Variants in TNFRSF13C observed in about 807,000 individuals in gnomAD.
TNFRSF13C encodes the protein TNF receptor superfamily member 13C, also known as tumor necrosis factor receptor superfamily member 13C.
In TNFRSF13C, 7 loss-of-function variants were observed where a neutral mutation model predicts 12.1. The observed-to-expected ratio is 0.58, with a 90% CI of 0.33 to 1.08. The LOEUF is 1.08. Among genes scored for constraint, TNFRSF13C ranks in the 50% least tolerant of loss-of-function variants. The pLI, the probability that TNFRSF13C is intolerant of heterozygous loss-of-function variation, is 0.04. For synonymous variants in TNFRSF13C, 157 were observed against 130.8 expected, an observed-to-expected ratio of 1.20 and a Z score of -1.37; for missense variants, 260 against 265.9, an observed-to-expected ratio of 0.98 and a Z score of 0.15.
intron 2 of TNFRSF13C, 28 bp from the exon 3 acceptor site, chr22:41,925,582 T>C: frequency 1.2e-6 from 2 of 1,609,352 alleles, no homozygotes; most frequent in Non-Finnish European, 1.7e-6. Flanking sequence ...AGAGGCTCCG[T>C]ACTCAGTCAC....
rs1012723148 is a variant in TNFRSF13C at position 41,922,407 on chromosome 22, G to T, written c.*2960C>A. On this transcript the variant is annotated 3_prime_UTR_variant, in exon 3 of 3. Transcript: ENST00000291232. ...TAAATGCATATGAGAATTATCTAAG[G>T]TTCCTTCCTGCCCTTCTCTGGGGAC... is the stretch of plus-strand genomic sequence containing the variant. 1 of 152,120 alleles carries T rather than the reference G, an allele frequency of 6.6e-6. No homozygotes were observed. The highest frequency in any genetic ancestry group is 2.4e-5 in the African/African-American group (1 of 41,414). The allele number at this position is 152,120 out of a possible 1,614,324, so 9.4% of individuals were successfully genotyped here.
Position 41,925,517 on chromosome 22 carries a change from C to T in TNFRSF13C, c.405G>A (p.Pro135=), listed in dbSNP as rs140406834. The T allele has an allele frequency of 2.3e-5, 37 of 1,613,410 alleles. No individual in the cohort carries two copies. The African/African-American group carries it at 3.1e-4, about 13-fold the overall frequency. The change falls in exon 3 of 3, where the codon CCG becomes CCA. Residue 135 remains proline, a synonymous_variant. Transcript: ENST00000291232. ...EPLDKVIILS[P]GISDATAPAW... ...CAGGAGCTGTGGCATCAGAGATTCC[C>T]GGAGACAGAATGATGACCTTGTCCA...
chr22:41,926,285 C>T lies in TNFRSF13C; in HGVS notation c.183G>A (p.Glu61=). The change falls in exon 2 of 3, where the codon GAG becomes GAA. Residue 61 remains glutamate, a synonymous_variant. Coordinates refer to ENST00000291232, the MANE Select transcript of TNFRSF13C (RefSeq NM_052945.4). This position sits in a 1 kb window ranked among gnomAD's most constrained non-coding sequence, Gnocchi z 4.9. ...CCTCGCCGGCCCCCGCGCCCACCGA[C>T]TCCTGCGGCTGCAGCGCCGTCCTGG... ...PAPRTALQPQ[E]SVGAGAGEAA... The T allele has an allele frequency of 6.7e-7, 1 of 1,485,694 alleles. No homozygotes were observed. Among genetic ancestry groups the T allele is most frequent in the South Asian group, 1.3e-5 (1 of 78,200 alleles). The allele number at this position is 1,485,694 out of a possible 1,614,324, so 92.0% of individuals were successfully genotyped here.
chr22:41,926,791 A>T lies in TNFRSF13C; in HGVS notation c.-18T>A, dbSNP rs979436327. ...CGCCTCATGGTGCCGACGCCGCCGCACAAGCTGCGGGGACTGAGGCTGAGC... is the reference window on the plus strand; with the variant it reads ...CGCCTCATGGTGCCGACGCCGCCGCTCAAGCTGCGGGGACTGAGGCTGAGC... On this transcript the variant is annotated 5_prime_UTR_variant, in exon 1 of 3. Coordinates refer to ENST00000291232, the MANE Select transcript of TNFRSF13C (RefSeq NM_052945.4). This position sits in a 1 kb window ranked among gnomAD's most constrained non-coding sequence, Gnocchi z 4.9. The T allele has an allele frequency of 3.1e-6, 4 of 1,310,684 alleles. No individual in the cohort carries two copies. The African/African-American group carries it at 4.6e-5, about 15-fold the overall frequency. The allele number at this position is 1,310,684 out of a possible 1,614,324, so 81.2% of individuals were successfully genotyped here.
intron 2 of TNFRSF13C, among the ~76,000 whole-genome samples, chr22:41,925,765 C>G (rs905008814): frequency 1.3e-5 from 2 of 152,082 alleles, no homozygotes; most frequent in Non-Finnish European, 2.9e-5. Context: ...CTGGCAAACT[C>G]TTCAGGGATT....
chr22:41,926,155 G>A lies in TNFRSF13C; in HGVS notation c.313C>T (p.Gln105Ter). 6.2e-7 allele frequency: 1 copy of A among 1,611,908 alleles called. No individual in the cohort carries two copies. The highest frequency in any genetic ancestry group is 8.5e-7 in the Non-Finnish European group (1 of 1,179,712). Reference protein sequence around the residue: ...LVGLVSWRRRQRRLRGASSAE... With the variant: ...LVGLVSWRRR The stretch of plus-strand genomic sequence containing the variant: ...GAGGACGCGCCGCGAAGCCGCCGCT[G>A]TCGCCGCCTCCAGCTCACCAGACCC... The change falls in exon 2 of 3, where the codon CAG becomes TAG. Residue 105 changes from glutamine to a stop codon, truncating the protein, a stop_gained. Transcript: ENST00000291232. LOFTEE classifies it high-confidence loss of function. This position sits in a 1 kb window ranked among gnomAD's most constrained non-coding sequence, Gnocchi z 4.9.
intron 2 of TNFRSF13C, among the ~76,000 whole-genome samples, chr22:41,925,899 G>A (rs565807377): frequency 6.6e-6 from 1 of 152,334 alleles, no homozygotes; most frequent in Admixed American, 6.5e-5. Flanking sequence ...AGCTGTTCCT[G>A]GCTCCGACCA....
In TNFRSF13C at chr22:41,926,082, C is replaced by T; in HGVS notation, c.367+19G>A. 6.2e-7 allele frequency: 1 copy of T among 1,612,464 alleles called. No individual in the cohort carries two copies. The highest frequency in any genetic ancestry group is 8.5e-7 in the Non-Finnish European group (1 of 1,179,774). On this transcript the variant is annotated intron_variant, in intron 2 of 2. Coordinates refer to ENST00000291232, the MANE Select transcript of TNFRSF13C (RefSeq NM_052945.4). This position sits in a 1 kb window ranked among gnomAD's most constrained non-coding sequence, Gnocchi z 4.9. ...CCCTGCGCCCCGCTCAGACTGGTTC[C>T]CCTACACACGGAACTCACCGTCCTT...
At position 41,922,109 on chromosome 22, in the gene TNFRSF13C, T is replaced by G. The variant is rs1292167598; in HGVS notation, c.*3258A>C. The G allele has an allele frequency of 6.6e-6, 1 of 152,190 alleles. No individual in the cohort carries two copies. The highest frequency in any genetic ancestry group is 1.9e-4 in the East Asian group (1 of 5,194). 9.4% of individuals were successfully genotyped at this position (152,190 alleles called of 1,614,324 possible). On this transcript the variant is annotated 3_prime_UTR_variant, in exon 3 of 3. Transcript: ENST00000291232. ...AAATATTAATATGATGGTCAAGACA[T>G]GAATTTGTATGTATAGAATGATTAC...
Position 41,926,731 on chromosome 22 carries a change from C to A in TNFRSF13C, c.43G>T (p.Ala15Ser). The A allele has an allele frequency of 7.1e-7, 1 of 1,417,952 alleles. No homozygotes were observed. Among genetic ancestry groups the A allele is most frequent in the South Asian group, 1.5e-5 (1 of 68,626 alleles). 87.8% of individuals were successfully genotyped at this position (1,417,952 alleles called of 1,614,324 possible). The change falls in exon 1 of 3, where the codon GCC (alanine) becomes TCC (serine). Residue 15 changes from alanine to serine, a missense_variant. Physicochemically the swap from Ala to Ser is moderately conservative, Grantham distance 99. Coordinates refer to ENST00000291232, the MANE Select transcript of TNFRSF13C (RefSeq NM_052945.4). This position sits in a 1 kb window ranked among gnomAD's most constrained non-coding sequence, Gnocchi z 4.9. ...PRSLRGRDAP[A>S]PTPCVPAECF... is the part of the protein sequence containing the mutation. Reference sequence around the variant, plus strand: ...TCGGCCGGGACGCAGGGCGTGGGGGCTGGCGCGTCCCTGCCCCGCAGGCTC... The same window carrying A: ...TCGGCCGGGACGCAGGGCGTGGGGGATGGCGCGTCCCTGCCCCGCAGGCTC...
rs2077634573 is a variant in TNFRSF13C, at chr22:41,926,676, A to G, written c.98T>C (p.Val33Ala). Residue 33 changes from valine (V) to alanine (A), a missense_variant, in exon 1 of 3, where the codon GTG becomes GCG. Transcript: ENST00000291232. This position sits in a 1 kb window ranked among gnomAD's most constrained non-coding sequence, Gnocchi z 4.9. ...ECFDLLVRHC[V>A]ACGLLRTPRP... ...CGGCGTGCGCAGGAGCCCGCAGGCCACGCAGTGGCGGACCAGCAGGTCGAA... is the reference window on the plus strand; with the variant it reads ...CGGCGTGCGCAGGAGCCCGCAGGCCGCGCAGTGGCGGACCAGCAGGTCGAA... 4 of 1,463,424 alleles carry G rather than the reference A, an allele frequency of 2.7e-6. No homozygotes were observed. The highest frequency in any genetic ancestry group is 1.5e-5 in the African/African-American group (1 of 68,024). The allele number at this position is 1,463,424 out of a possible 1,614,324, so 90.7% of individuals were successfully genotyped here.
Position 41,924,861 on chromosome 22 carries a change from A to T in TNFRSF13C, c.*506T>A. 6.9e-6 allele frequency: 1 copy of T among 144,346 alleles called. No homozygotes were observed. The highest frequency in any genetic ancestry group is 2.2e-4 in the East Asian group (1 of 4,468). The allele number at this position is 144,346 out of a possible 1,614,324, so 8.9% of individuals were successfully genotyped here. The stretch of plus-strand genomic sequence containing the variant: ...CAGCTATTCGGGAGGCTGAGGCAGG[A>T]GAATCACTTGAACCAAGGAGTCGGA... On this transcript the variant is annotated 3_prime_UTR_variant, in exon 3 of 3. Coordinates refer to ENST00000291232, the MANE Select transcript of TNFRSF13C (RefSeq NM_052945.4).
chr22:41,926,643 T>G lies in TNFRSF13C; in HGVS notation c.131A>C (p.Lys44Thr). 1 of 1,459,412 alleles carries G rather than the reference T, an allele frequency of 6.9e-7. No individual in the cohort carries two copies. The highest frequency in any genetic ancestry group is 9.0e-7 in the Non-Finnish European group (1 of 1,110,832). The allele number at this position is 1,459,412 out of a possible 1,614,324, so 90.4% of individuals were successfully genotyped here. The change falls in exon 1 of 3, where the codon AAA becomes ACA. Residue 44 changes from lysine to threonine, a missense_variant. Coordinates refer to ENST00000291232, the MANE Select transcript of TNFRSF13C (RefSeq NM_052945.4). This position sits in a 1 kb window ranked among gnomAD's most constrained non-coding sequence, Gnocchi z 4.9. ...GCCCCGTGGGTCCCCCTTACCCGGT[T>G]TCGGCCGCGGCGTGCGCAGGAGCCC... is the stretch of plus-strand genomic sequence containing the variant. Reference protein sequence around the residue: ...ACGLLRTPRPKPAGASSPAPR... With the variant: ...ACGLLRTPRPTPAGASSPAPR...
intron 2 of TNFRSF13C, among the ~76,000 whole-genome samples, 196 bp downstream of exon 2, chr22:41,925,905 G>A (rs912836640): frequency 6.6e-6 from 1 of 152,174 alleles, no homozygotes; most frequent in Non-Finnish European, 1.5e-5. Flanking sequence ...TCCTGGCTCC[G>A]ACCAGGGTCT....
chr22:41,926,382 G>A lies in TNFRSF13C; in HGVS notation c.137-51C>T. 7.6e-7 allele frequency: 1 copy of A among 1,320,696 alleles called. No individual in the cohort carries two copies. The allele number at this position is 1,320,696 out of a possible 1,614,324, so 81.8% of individuals were successfully genotyped here. On this transcript the variant is annotated intron_variant, in intron 1 of 2. Coordinates refer to ENST00000291232, the MANE Select transcript of TNFRSF13C (RefSeq NM_052945.4). The surrounding 1 kb of genome is among the most constrained non-coding windows in gnomAD (Gnocchi z 4.9). ...AGGCCAGGGGGCCGAGGGGAGGGAGGAGCGGGGACGGGGAGGGGCGGAGGG... is the reference window on the plus strand; with the variant it reads ...AGGCCAGGGGGCCGAGGGGAGGGAGAAGCGGGGACGGGGAGGGGCGGAGGG...
rs750334567 is a variant in TNFRSF13C at position 41,924,949 on chromosome 22, CAAAAAAAAAAA to C, written c.*407_*417del. On this transcript the variant is annotated 3_prime_UTR_variant, in exon 3 of 3. Coordinates refer to ENST00000291232, the MANE Select transcript of TNFRSF13C (RefSeq NM_052945.4). Reference sequence around the variant, plus strand: ...CCTGGCGACAGAGCAAGACTCGTCTCAAAAAAAAAAAAAAAAAAAAAAAAAAAAAATCAAAC... The same window carrying C: ...CCTGGCGACAGAGCAAGACTCGTCTCAAAAAAAAAAAAAAAAAAATCAAAC... 8 of 45,366 alleles carry C rather than the reference CAAAAAAAAAAA, an allele frequency of 1.8e-4. No individual in the cohort carries two copies. Among genetic ancestry groups the C allele is most frequent in the South Asian group, 1.2e-3 (1 of 862 alleles). 2.8% of individuals were successfully genotyped at this position (45,366 alleles called of 1,614,324 possible).
Position 41,925,535 on chromosome 22 carries a change from C to T in TNFRSF13C, c.387G>A (p.Lys129=), listed in dbSNP as rs1387331591. The change falls in exon 3 of 3, where the codon AAG becomes AAA. Residue 129 remains lysine, a synonymous_variant. Transcript: ENST00000291232. ...GDKDAPEPLD[K]VIILSPGISD... is the part of the protein sequence containing the mutation. ...AGATTCCCGGAGACAGAATGATGAC[C>T]TTGTCCAGGGGCTCTGGGGCTGCAG... 6 of 1,613,222 alleles carry T rather than the reference C, an allele frequency of 3.7e-6. No individual in the cohort carries two copies. The highest frequency in any genetic ancestry group is 1.1e-5 in the South Asian group (1 of 91,076).
In TNFRSF13C at chr22:41,926,197, G is replaced by A. The variant is rs2077628991; in HGVS notation, c.271C>T (p.Leu91=). The A allele has an allele frequency of 6.2e-7, 1 of 1,608,316 alleles. No individual in the cohort carries two copies. The highest frequency in any genetic ancestry group is 8.5e-7 in the Non-Finnish European group (1 of 1,179,226). The change falls in exon 2 of 3, where the codon CTG becomes TTG. Residue 91 remains leucine, a synonymous_variant. Coordinates refer to ENST00000291232, the MANE Select transcript of TNFRSF13C (RefSeq NM_052945.4). The surrounding 1 kb of genome is among the most constrained non-coding windows in gnomAD (Gnocchi z 4.9). ...ACCAGACCCACCAGGACCAGCGCCA[G>A]GACCAGTGCCAGGCCCAGCAGCGCG... ...APALLGLALV[L]ALVLVGLVSW...
chr22:41,926,224 G>A lies in TNFRSF13C; in HGVS notation c.244C>T (p.Pro82Ser), dbSNP rs908233357. 5 of 1,592,298 alleles carry A rather than the reference G, an allele frequency of 3.1e-6. No individual in the cohort carries two copies. The East Asian group carries it at 9.0e-5, about 29-fold the overall frequency. Residue 82 changes from proline to serine, a missense_variant, in exon 2 of 3, where the codon CCC becomes TCC. Pro to Ser is a moderately conservative substitution (Grantham distance 74). Transcript: ENST00000291232. The surrounding 1 kb of genome is among the most constrained non-coding windows in gnomAD (Gnocchi z 4.9). ...LPLPGLLFGA[P>S]ALLGLALVLA... ...ACCAGTGCCAGGCCCAGCAGCGCGG[G>A]GGCGCCAAAGAGCAGCCCGGGCAGG...
Sources: allele counts gnomAD v4.1 joint callset (sites outside exome capture counted in the v4.1 genomes callset), GRCh38; gene constraint gnomAD v4.1.1; non-coding constraint Gnocchi (gnomAD v3.1); transcripts MANE v1.5; gene names NCBI Gene and HGNC (gene_info 2026-07-23, HGNC 2026-07-21).